ANXA6: variants seen among roughly 807,000 people sequenced by gnomAD.
The protein encoded by ANXA6 is 67 kDa calelectrin.
In ANXA6, 71 loss-of-function variants were observed where a neutral mutation model predicts 95.4. The observed-to-expected ratio is 0.74, with a 90% CI of 0.61 to 0.91. The LOEUF is 0.91. Ranked by LOEUF, ANXA6 falls within the 40% of genes least tolerant of loss-of-function variation. The pLI, the probability that ANXA6 is intolerant of heterozygous loss-of-function variation, is 0.00. For synonymous variants in ANXA6, 289 were observed against 315.9 expected, an observed-to-expected ratio of 0.91 and a Z score of 0.90; for missense variants, 830 against 876.4, an observed-to-expected ratio of 0.95 and a Z score of 0.67.
chr5:151,119,459 G>C, intron 17 of ANXA6, 69 bp from the exon 18 acceptor site: 2 of 1,380,348 alleles, frequency 1.4e-6, no homozygotes, highest in Admixed American at 1.7e-5. Flanking sequence ...CATGGGGCCC[G>C]GACGGCTAAA....
intron 3 of ANXA6, 151 bp downstream of exon 3, chr5:151,140,002 A>G (rs1189120195): frequency 5.5e-6 from 3 of 549,008 alleles, no homozygotes; most frequent in Non-Finnish European, 9.7e-6. Context: ...TTTTATTATA[A>G]CATCATGAAA....
chr5:151,101,230 A>G lies in ANXA6; in HGVS notation c.*218T>C, dbSNP rs987524914. ...AGGGGAGTGGAGGTGGACAGGATCT[A>G]TGGCTACGGTTTTTCAGCCGCTCAG... On this transcript the variant is annotated 3_prime_UTR_variant, in exon 26 of 26. Coordinates refer to ENST00000354546, the MANE Select transcript of ANXA6 (RefSeq NM_001155.5). 46 of 618,946 alleles carry G rather than the reference A, an allele frequency of 7.4e-5. No individual in the cohort carries two copies. In the Admixed American group the frequency reaches 1.2e-3, roughly 17 times the overall value. 38.3% of individuals were successfully genotyped at this position (618,946 alleles called of 1,614,324 possible). A position where few individuals can be genotyped will look rare whatever the true frequency, so the allele number is the denominator to read the frequency against.
At chr5:151,103,491 T>C (rs924168840) in intron 25 of ANXA6, 79 bp downstream of exon 25, 18 of 1,448,618 alleles carry the variant, frequency 1.2e-5, no homozygotes, top group Non-Finnish European at 1.6e-5. Context: ...AAAAAGTCCA[T>C]GGGAATAAAG....
chr5:151,123,574 G>A (rs1356231356), intron 15 of ANXA6, among the ~76,000 whole-genome samples: 1 of 152,162 alleles, frequency 6.6e-6, no homozygotes, highest in East Asian at 1.9e-4. Flanking sequence ...GTCTTTCATG[G>A]CATTTTTACC....
At chr5:151,119,030 C>A (rs1370887529) in intron 18 of ANXA6, among the ~76,000 whole-genome samples, 2 of 152,214 alleles carry the variant, frequency 1.3e-5, no homozygotes, top group East Asian at 3.9e-4. Context: ...CTACACACCC[C>A]TAGAGTCGCC....
intron 18 of ANXA6, 48 bp downstream of exon 18, chr5:151,119,252 G>C (rs751493293): frequency 1.3e-6 from 2 of 1,503,456 alleles, no homozygotes; most frequent in Non-Finnish European, 1.8e-6. Flanking sequence ...GGAAGTTGGG[G>C]GGCCTGGCTG....
At chr5:151,149,938 C>T (rs1190726679) in intron 1 of ANXA6, among the ~76,000 whole-genome samples, 1 of 151,926 alleles carries the variant, frequency 6.6e-6, no homozygotes, top group Non-Finnish European at 1.5e-5. Flanking sequence ...GGCCAACATG[C>T]GAAACCCCGT....
At chr5:151,156,954 T>C (rs1240581452) in intron 1 of ANXA6, among the ~76,000 whole-genome samples, 1 of 152,158 alleles carries the variant, frequency 6.6e-6, no homozygotes, top group Non-Finnish European at 1.5e-5. Flanking sequence ...GGGATTCCGA[T>C]TCAGGGTATT....
chr5:151,156,675 G>A (rs565971717), intron 1 of ANXA6, among the ~76,000 whole-genome samples: 10 of 152,226 alleles, frequency 6.6e-5, no homozygotes, highest in African/African-American at 1.9e-4. Context: ...AAAGGAAGGA[G>A]GAGGCAGGAA....
At chr5:151,142,506 G>T (rs942864630) in intron 2 of ANXA6, among the ~76,000 whole-genome samples, 4 of 151,194 alleles carry the variant, frequency 2.6e-5, no homozygotes, top group Admixed American at 6.6e-5. Flanking sequence ...GAAACAAGAA[G>T]GTTCAGAGGC....
chr5:151,127,558 T>C (rs141069618), intron 13 of ANXA6, among the ~76,000 whole-genome samples: 2 of 152,346 alleles, frequency 1.3e-5, no homozygotes, highest in African/African-American at 2.4e-5. Flanking sequence ...CCAGACCCTC[T>C]TCACCTGGCT....
At chr5:151,136,632 A>G (rs1185641181) in intron 6 of ANXA6, among the ~76,000 whole-genome samples, 1 of 151,996 alleles carries the variant, frequency 6.6e-6, no homozygotes, top group African/African-American at 2.4e-5. Context: ...TTTCCAACCC[A>G]CGGCAACAAG....
At chr5:151,138,523 T>C (rs559638555) in intron 5 of ANXA6, among the ~76,000 whole-genome samples, 155 bp downstream of exon 5, 3 of 152,308 alleles carry the variant, frequency 2.0e-5, no homozygotes, top group East Asian at 3.9e-4. Flanking sequence ...TGTGTGCGGA[T>C]CGGGATGCTC....
intron 13 of ANXA6, among the ~76,000 whole-genome samples, chr5:151,127,056 T>C (rs1765345371): frequency 6.6e-6 from 1 of 152,080 alleles, no homozygotes; most frequent in African/African-American, 2.4e-5. Context: ...GGCTGCAGAG[T>C]CCAAGCAGGA....
intron 14 of ANXA6, 129 bp downstream of exon 14, chr5:151,126,273 C>CTTCAGATGTATCAGAAAAGGTATCA: frequency 1.3e-6 from 1 of 751,298 alleles, no homozygotes; most frequent in Non-Finnish European, 2.3e-6. Flanking sequence ...GAAAAGGAAG[C>CTTCAGATGTATCAGAAAAGGTATCA]TTCAGATGTG....
chr5:151,152,892 A>G (rs4958900), intron 1 of ANXA6, among the ~76,000 whole-genome samples: 99,855 of 151,964 alleles, frequency 0.66, 33,069 homozygotes, highest in South Asian at 0.88. Context: ...GGAACAGAGT[A>G]CACTTTTGAG....
chr5:151,148,538 G>A (rs4958899), intron 1 of ANXA6, among the ~76,000 whole-genome samples: 95,367 of 152,118 alleles, frequency 0.63, 30,151 homozygotes, highest in East Asian at 0.87. Flanking sequence ...CTCATTTAGC[G>A]CCTATCCTAG....
intron 20 of ANXA6, among the ~76,000 whole-genome samples, chr5:151,114,957 C>A (rs1405761978): frequency 2.0e-5 from 3 of 152,176 alleles, no homozygotes; most frequent in Admixed American, 6.5e-5. Context: ...TCGGCCCTAT[C>A]AAATGCCCTT....
intron 18 of ANXA6, among the ~76,000 whole-genome samples, chr5:151,118,204 C>G (rs1463433761): frequency 6.6e-6 from 1 of 152,072 alleles, no homozygotes; most frequent in Non-Finnish European, 1.5e-5. Context: ...GACTATGTCA[C>G]TCCTGTACTC....
Sources: gnomAD v4.1 joint callset for allele counts (sites outside exome capture counted in the v4.1 genomes callset) on GRCh38, gnomAD v4.1.1 for gene constraint, MANE v1.5 for transcripts, NCBI Gene and HGNC (gene_info 2026-07-23, HGNC 2026-07-21) for gene names.